The following CDH18 variants were observed in gnomAD, a reference collection of about 807,000 sequenced individuals.
CDH18 encodes the protein cadherin-18.
CDH18 carries 31 observed loss-of-function variants against 67.9 expected under a neutral mutation model. The ratio of observed to expected loss-of-function variants is 0.46; its 90% confidence interval spans 0.34 to 0.62. The LOEUF (loss-of-function observed/expected upper bound fraction) is 0.62, where lower values mean the gene tolerates loss of function less well. Ranked by LOEUF, CDH18 falls within the 20% of genes least tolerant of loss-of-function variation. CDH18 has a pLI of 0.01. For missense variants in CDH18, 890 were observed against 975.5 expected, an observed-to-expected ratio of 0.91 and a Z score of 1.17; for synonymous variants, 362 against 347.2, an observed-to-expected ratio of 1.04 and a Z score of -0.48.
At chr5:20,078,377 T>G (rs1417726723) in intron 2 of CDH18, among the ~76,000 whole-genome samples, 1 of 151,822 alleles carries the variant, frequency 6.6e-6, no homozygotes. Context: ...GCAGGGGAAT[T>G]GCTTGAACCA....
At chr5:19,834,416 CTTCT>C (rs936035154) in intron 3 of CDH18, among the ~76,000 whole-genome samples, 1 of 151,342 alleles carries the variant, frequency 6.6e-6, no homozygotes, top group African/African-American at 2.4e-5. Flanking sequence ...TCTTCTCTCT[CTTCT>C]TTATTAGTCT....
chr5:20,500,753 T>C (rs1394011138), intron 1 of CDH18, among the ~76,000 whole-genome samples: 2 of 152,144 alleles, frequency 1.3e-5, no homozygotes, highest in Non-Finnish European at 2.9e-5. Flanking sequence ...AAATATTTGT[T>C]TAAATAAGGC....
At position 20,151,738 on chromosome 5, in the gene CDH18, T is replaced by C. The variant is rs113115974; in HGVS notation, c.-518+103706A>G. Among the ~76,000 whole-genome samples the C allele has an allele frequency of 4.2e-3, 634 of 152,238 alleles. 7 individuals carry two copies. Among genetic ancestry groups the C allele is most frequent in the African/African-American group, 0.015 (612 of 41,554 alleles). ...TTCCCAAAGCATCTAGAAATATTTC[T>C]TATCCTTTCAATAATTTATGAATAG... On this transcript the variant is annotated intron_variant, in intron 2 of 14. Coordinates refer to the CDH18 transcript ENST00000507958.
At chr5:20,342,246 C>T (rs994969365) in intron 1 of CDH18, among the ~76,000 whole-genome samples, 2 of 152,070 alleles carry the variant, frequency 1.3e-5, no homozygotes, top group African/African-American at 4.8e-5. Flanking sequence ...TGGGAGGACC[C>T]TGATGAAGCT....
chr5:19,842,562 T>C (rs890540632), intron 2 of CDH18, among the ~76,000 whole-genome samples: 1 of 152,136 alleles, frequency 6.6e-6, no homozygotes, highest in African/African-American at 2.4e-5. Context: ...CCTCTTTGCT[T>C]TATAAATTTC....
intron 1 of CDH18, among the ~76,000 whole-genome samples, chr5:20,265,440 T>A (rs921283756): frequency 1.6e-4 from 24 of 152,216 alleles, no homozygotes; most frequent in African/African-American, 5.8e-4. Flanking sequence ...GGATGTATAC[T>A]ATTTCTGCTT....
chr5:20,390,339 G>A (rs1161222648), intron 1 of CDH18, among the ~76,000 whole-genome samples: 1 of 152,166 alleles, frequency 6.6e-6, no homozygotes, highest in Non-Finnish European at 1.5e-5. Flanking sequence ...GATATGAACA[G>A]ACACTTCTCA....
intron 6 of CDH18, among the ~76,000 whole-genome samples, chr5:19,606,085 G>A (rs563153933): frequency 1.3e-5 from 2 of 151,772 alleles, no homozygotes; most frequent in Non-Finnish European, 3.0e-5. Flanking sequence ...CCAGTGGAGA[G>A]TAAGTAAAGA....
Position 19,634,411 on chromosome 5 carries a change from T to A in CDH18, c.644-21810A>T, listed in dbSNP as rs184001243. 2.0e-5 allele frequency among the ~76,000 whole-genome samples: 3 copies of A among 152,308 alleles called. No homozygotes were observed. In the East Asian group the frequency reaches 5.8e-4, roughly 29 times the overall value. ...TATGGCGTTATGGAAATTACTTCCC[T>A]ACGACTCAATTTCTTCCTTTAGAAA... On this transcript the variant is annotated intron_variant, in intron 5 of 12. Transcript: ENST00000382275.
intron 1 of CDH18, among the ~76,000 whole-genome samples, chr5:20,411,483 A>G (rs866108837): frequency 6.6e-6 from 1 of 152,124 alleles, no homozygotes; most frequent in African/African-American, 2.4e-5. Flanking sequence ...CTCAAAATGT[A>G]AAACTCTTAA....
chr5:20,190,483 T>C (rs1738450431), intron 2 of CDH18, among the ~76,000 whole-genome samples: 1 of 152,098 alleles, frequency 6.6e-6, no homozygotes, highest in Non-Finnish European at 1.5e-5. Flanking sequence ...TCATTCCAGC[T>C]TCCCCCTCAC....
chr5:19,611,949 C>CGTGTGTGT (rs3062879), intron 6 of CDH18, among the ~76,000 whole-genome samples: 26,150 of 138,808 alleles, frequency 0.19, 2,726 homozygotes, highest in East Asian at 0.28. Flanking sequence ...TTGGATGATG[C>CGTGTGTGT]GTGTGTGTGT....
intron 2 of CDH18, among the ~76,000 whole-genome samples, chr5:19,875,405 T>C (rs988798843): frequency 2.1e-5 from 3 of 146,306 alleles, no homozygotes; most frequent in African/African-American, 8.2e-5. Flanking sequence ...TATAGATAGA[T>C]AGATAGATAG....
At chr5:19,728,671 G>A (rs1002697969) in intron 4 of CDH18, among the ~76,000 whole-genome samples, 9 of 152,038 alleles carry the variant, frequency 5.9e-5, no homozygotes, top group African/African-American at 1.9e-4. Flanking sequence ...TTTATACCAA[G>A]CAAATACTCT....
intron 12 of CDH18, among the ~76,000 whole-genome samples, chr5:19,481,777 A>T (rs1325052876): frequency 3.9e-5 from 6 of 152,196 alleles, no homozygotes; most frequent in African/African-American, 1.4e-4. Flanking sequence ...ATATTTTTTC[A>T]AGAATACCTC....
chr5:20,185,296 G>A lies in CDH18; in HGVS notation c.-518+70148C>T, dbSNP rs556963237. Reference sequence around the variant, plus strand: ...ACTATATATTAGCCTGCAGTAGTACGGTAGCATCCTACGTGATCAATCTGT... The same window carrying A: ...ACTATATATTAGCCTGCAGTAGTACAGTAGCATCCTACGTGATCAATCTGT... On this transcript the variant is annotated intron_variant, in intron 2 of 14. Transcript: ENST00000507958. 9.9e-5 allele frequency among the ~76,000 whole-genome samples: 15 copies of A among 152,066 alleles called. 1 individual carries two copies. The East Asian group carries it at 1.2e-3, about 12-fold the overall frequency.
Position 19,656,890 on chromosome 5 carries a change from G to GTT in CDH18, c.644-44291_644-44290dup, listed in dbSNP as rs1428670408. On this transcript the variant is annotated intron_variant, in intron 5 of 12. Transcript: ENST00000382275. ...TCTCTGTCTTTCTCTTTCTGTGTGT[G>GTT]TTTGTGTGTGTGTCGGTGGGAGAAA... 2.0e-5 allele frequency among the ~76,000 whole-genome samples: 3 copies of GTT among 151,994 alleles called. No individual in the cohort carries two copies. In the East Asian group the frequency reaches 5.8e-4, roughly 29 times the overall value.
chr5:19,707,756 A>G (rs1209005744), intron 5 of CDH18, among the ~76,000 whole-genome samples: 1 of 152,218 alleles, frequency 6.6e-6, no homozygotes, highest in East Asian at 1.9e-4. Flanking sequence ...TACCACATCA[A>G]AAACCTATTT....
At chr5:19,862,662 C>G (rs1581691838) in intron 2 of CDH18, among the ~76,000 whole-genome samples, 1 of 152,192 alleles carries the variant, frequency 6.6e-6, no homozygotes, top group Non-Finnish European at 1.5e-5. Context: ...CAGGGTTAGA[C>G]AGAGTGTGAG....
Sources: gnomAD v4.1 joint callset for allele counts (sites outside exome capture counted in the v4.1 genomes callset) on GRCh38, gnomAD v4.1.1 for gene constraint, MANE v1.5 for transcripts, NCBI Gene and HGNC (gene_info 2026-07-23, HGNC 2026-07-21) for gene names.